Variants in BAZ2B observed in about 807,000 individuals in gnomAD.
BAZ2B encodes the protein bromodomain adjacent to zinc finger domain 2B.
A neutral mutation model predicts 246.0 loss-of-function variants in BAZ2B; 91 were observed. That is an observed-to-expected ratio of 0.37 (90% confidence interval 0.31 to 0.44). The LOEUF (loss-of-function observed/expected upper bound fraction) is 0.44, where lower values mean the gene tolerates loss of function less well. Among genes scored for constraint, BAZ2B ranks in the 20% least tolerant of loss-of-function variants. The probability of loss-of-function intolerance (pLI) is 1.00; values close to 1 mark genes in which losing one functional copy is unlikely to be tolerated. For missense variants in BAZ2B, 2,332 were observed against 2,533.7 expected, an observed-to-expected ratio of 0.92 and a Z score of 1.71; for synonymous variants, 855 against 860.0, an observed-to-expected ratio of 0.99 and a Z score of 0.10.
chr2:159,586,820 C>T (rs1167302050), intron 1 of BAZ2B, among the ~76,000 whole-genome samples: 1 of 151,962 alleles, frequency 6.6e-6, no homozygotes, highest in Non-Finnish European at 1.5e-5. Context: ...AACTCTAAAA[C>T]TAAAAAATAA....
intron 1 of BAZ2B, among the ~76,000 whole-genome samples, chr2:159,569,454 G>A (rs10196064): frequency 0.55 from 83,948 of 151,946 alleles, 23,952 homozygotes; most frequent in East Asian, 0.74. Context: ...CTAAACTTCT[G>A]TAATTACCCA....
At chr2:159,496,301 A>G (rs1253969468) in intron 2 of BAZ2B, among the ~76,000 whole-genome samples, 3 of 145,960 alleles carry the variant, frequency 2.1e-5, no homozygotes. Flanking sequence ...CCTTGAACCC[A>G]GGAGGCGGAG....
intron 2 of BAZ2B, among the ~76,000 whole-genome samples, chr2:159,531,415 A>G (rs1248831713): frequency 2.0e-5 from 3 of 152,236 alleles, no homozygotes; most frequent in African/African-American, 7.2e-5. Context: ...CTAGAAATGC[A>G]CATTCTCTTA....
intron 1 of BAZ2B, among the ~76,000 whole-genome samples, chr2:159,567,769 C>A (rs1278324063): frequency 6.6e-6 from 1 of 152,034 alleles, no homozygotes; most frequent in South Asian, 2.1e-4. Context: ...GTCAAGAGAT[C>A]GAGACCATCC....
At chr2:159,336,298 T>C (rs2065659405) in intron 33 of BAZ2B, among the ~76,000 whole-genome samples, 1 of 152,218 alleles carries the variant, frequency 6.6e-6, no homozygotes. Context: ...AAAACATGAA[T>C]TATAGCTCTG....
At chr2:159,541,438 T>C (rs1374522739) in intron 2 of BAZ2B, among the ~76,000 whole-genome samples, 1 of 151,910 alleles carries the variant, frequency 6.6e-6, no homozygotes, top group Non-Finnish European at 1.5e-5. Flanking sequence ...CCACCATCCC[T>C]GGCTAATTTT....
chr2:159,551,249 C>T (rs995321992), intron 2 of BAZ2B, among the ~76,000 whole-genome samples: 1 of 152,086 alleles, frequency 6.6e-6, no homozygotes, highest in Non-Finnish European at 1.5e-5. Flanking sequence ...GTGGGCGGAT[C>T]ACGAAGTCAG....
At chr2:159,428,255 T>C (rs1013892432) in intron 12 of BAZ2B, 56 bp downstream of exon 12, 1 of 1,443,094 alleles carries the variant, frequency 6.9e-7, no homozygotes, top group Non-Finnish European at 9.6e-7. Flanking sequence ...TTTTTTTTTG[T>C]ACATGATCAT....
At chr2:159,511,734 C>T (rs1227832902) in intron 2 of BAZ2B, among the ~76,000 whole-genome samples, 4 of 151,876 alleles carry the variant, frequency 2.6e-5, no homozygotes, top group African/African-American at 7.3e-5. Flanking sequence ...AGTAGAAATG[C>T]TCAGGAAATA....
Position 159,472,715 on chromosome 2 carries a change from A to C in BAZ2B, c.145+5860T>G, listed in dbSNP as rs193027925. The stretch of plus-strand genomic sequence containing the variant: ...ATGAAGGGGTGTTGAATATTATCGC[A>C]GGCCTTTTCTGCATCTATTGAAATA... On this transcript the variant is annotated intron_variant, in intron 3 of 36. Transcript: ENST00000392783. 1.1e-4 allele frequency among the ~76,000 whole-genome samples: 17 copies of C among 152,322 alleles called. No individual in the cohort carries two copies. The East Asian group carries it at 3.3e-3, about 29-fold the overall frequency.
chr2:159,666,745 C>T, the BAZ2B span, among the ~76,000 whole-genome samples: 1 of 152,082 alleles, frequency 6.6e-6, no homozygotes, highest in Non-Finnish European at 1.5e-5. Flanking sequence ...ATCCCAGCTA[C>T]TCAGGAGGCA....
intron 1 of BAZ2B, among the ~76,000 whole-genome samples, chr2:159,599,860 C>G (rs1477582995): frequency 2.1e-5 from 3 of 144,294 alleles, no homozygotes; most frequent in Non-Finnish European, 3.0e-5. Context: ...GGCGTGAACC[C>G]GTGAGGTGGA....
chr2:159,332,391 G>T, intron 34 of BAZ2B, 149 bp downstream of exon 34: 1 of 735,642 alleles, frequency 1.4e-6, no homozygotes, highest in Non-Finnish European at 2.1e-6. Flanking sequence ...AGAGATTGAG[G>T]CCAGAGGATA....
intron 1 of BAZ2B, among the ~76,000 whole-genome samples, chr2:159,587,826 T>C (rs550132337): frequency 3.3e-5 from 5 of 152,196 alleles, no homozygotes; most frequent in African/African-American, 9.6e-5. Flanking sequence ...CCTAGCAAAA[T>C]GAATTACCAA....
Position 159,432,936 on chromosome 2 carries a change from G to T in BAZ2B, c.1721C>A (p.Pro574Gln). The part of the protein sequence containing the change: ...KEKAVSNNVN[P>Q]VKTQHHSHPA... ...ATGGGAGTGATGCTGTGTTTTTACT[G>T]GGTTTACATTATTGCTAACTGCTTT... The change falls in exon 9 of 37, where the codon CCA (proline) becomes CAA (glutamine). Residue 574 changes from proline to glutamine, a missense_variant. Physicochemically the swap from Pro to Gln is moderately conservative, Grantham distance 76. Around this residue, in one of 9 missense-constraint regions of BAZ2B, gnomAD observed 651 missense variants for 650.9 expected, o/e 1.00. Coordinates refer to ENST00000392783, the MANE Select transcript of BAZ2B (RefSeq NM_013450.4). 2 of 1,614,078 alleles carry T rather than the reference G, an allele frequency of 1.2e-6. No homozygotes were observed. The highest frequency in any genetic ancestry group is 1.7e-6 in the Non-Finnish European group (2 of 1,180,004).
intron 3 of BAZ2B, chr2:159,463,704 T>TTTA (rs144305643): frequency 0.53 from 79,915 of 150,924 alleles, 22,067 homozygotes; most frequent in Middle Eastern, 0.76. Flanking sequence ...CAGATTGGGT[T>TTTA]TTATTATTAT....
intron 14 of BAZ2B, among the ~76,000 whole-genome samples, chr2:159,411,239 G>A (rs1576696447): frequency 6.6e-6 from 1 of 152,096 alleles, no homozygotes; most frequent in Non-Finnish European, 1.5e-5. Context: ...GCCCAGGCTG[G>A]TCTTAAATTC....
chr2:159,493,917 T>G (rs149448825), intron 2 of BAZ2B, among the ~76,000 whole-genome samples: 7 of 152,330 alleles, frequency 4.6e-5, no homozygotes, highest in East Asian at 3.9e-4. Flanking sequence ...ACAGGTTATG[T>G]GTGCATGGGT....
chr2:159,655,150 A>C, the BAZ2B span, among the ~76,000 whole-genome samples: 3 of 152,280 alleles, frequency 2.0e-5, no homozygotes, highest in South Asian at 6.2e-4. Context: ...TCACATTAAA[A>C]GTGAAGAAAG....
Sources: gnomAD v4.1 joint callset for allele counts (sites outside exome capture counted in the v4.1 genomes callset) on GRCh38, gnomAD v4.1.1 for gene constraint, gnomAD v4.1.1 regional missense constraint, MANE v1.5 for transcripts, NCBI Gene and HGNC (gene_info 2026-07-23, HGNC 2026-07-21) for gene names.